Variants in IQCM observed in about 807,000 individuals in gnomAD.
The protein encoded by IQCM is IQ domain-containing protein M.
Under a neutral mutation model 57.6 loss-of-function variants are expected in IQCM, and 45 were observed. The ratio of observed to expected loss-of-function variants is 0.78; its 90% confidence interval spans 0.62 to 1.00. The LOEUF is 1.00. IQCM is among the 50% of genes least tolerant of loss of function. The pLI is 0.00. For missense variants in IQCM, 468 were observed against 511.6 expected (o/e 0.91, Z 0.82); for synonymous variants, 148 against 158.9 (o/e 0.93, Z 0.51).
At chr4:149,564,435 T>C (rs968144293) in intron 9 of IQCM, among the ~76,000 whole-genome samples, 2 of 152,198 alleles carry the variant, frequency 1.3e-5, no homozygotes, top group Admixed American at 6.5e-5. Flanking sequence ...TGGGTGACTG[T>C]GGTAGTTAAT....
intron 12 of IQCM, among the ~76,000 whole-genome samples, chr4:149,529,455 A>G (rs987568318): frequency 1.3e-5 from 2 of 152,006 alleles, no homozygotes; most frequent in Non-Finnish European, 2.9e-5. Context: ...TTGGCGACAT[A>G]TTTTTCTCAT....
chr4:149,703,122 T>C (rs1228979473), intron 5 of IQCM, among the ~76,000 whole-genome samples: 1 of 151,928 alleles, frequency 6.6e-6, no homozygotes, highest in Admixed American at 6.6e-5. Flanking sequence ...TGCAAAACTG[T>C]CTTCATTATA....
At chr4:149,514,005 C>T (rs1322320578) in intron 12 of IQCM, among the ~76,000 whole-genome samples, 2 of 151,888 alleles carry the variant, frequency 1.3e-5, no homozygotes, top group African/African-American at 4.8e-5. Flanking sequence ...ATTTCATTTT[C>T]TATGTTATGT....
At chr4:149,582,178 ATTAC>A (rs1204277375) in intron 9 of IQCM, among the ~76,000 whole-genome samples, 1 of 150,308 alleles carries the variant, frequency 6.7e-6, no homozygotes, top group Non-Finnish European at 1.5e-5. Flanking sequence ...TCCTGAAGAC[ATTAC>A]TTGAGTCCTT....
intron 8 of IQCM, among the ~76,000 whole-genome samples, chr4:149,616,625 CAAT>C (rs1298462462): frequency 6.6e-6 from 1 of 151,584 alleles, no homozygotes; most frequent in Admixed American, 6.6e-5. Flanking sequence ...AATTTATAAA[CAAT>C]AATTTTAAAT....
intron 8 of IQCM, among the ~76,000 whole-genome samples, chr4:149,615,934 T>G (rs1174270399): frequency 6.6e-6 from 1 of 152,100 alleles, no homozygotes; most frequent in Non-Finnish European, 1.5e-5. Flanking sequence ...TTCATATCCA[T>G]TAGGATGTGA....
At chr4:149,657,228 AT>A in intron 7 of IQCM, among the ~76,000 whole-genome samples, 1 of 151,884 alleles carries the variant, frequency 6.6e-6, no homozygotes, top group Non-Finnish European at 1.5e-5. Flanking sequence ...TGATATCGAT[AT>A]TTTTTTAAGA....
chr4:149,531,607 G>A (rs1746755335), intron 12 of IQCM, among the ~76,000 whole-genome samples: 1 of 152,092 alleles, frequency 6.6e-6, no homozygotes, highest in South Asian at 2.1e-4. Context: ...GGTGCTTATA[G>A]TCTAGTATGT....
At chr4:149,711,368 C>G (rs1315996236) in intron 5 of IQCM, among the ~76,000 whole-genome samples, 2 of 152,172 alleles carry the variant, frequency 1.3e-5, no homozygotes, top group African/African-American at 2.4e-5. Flanking sequence ...TTCAGAAAGA[C>G]TAAATTCAGA....
At chr4:149,673,608 C>G (rs1761500893) in intron 7 of IQCM, among the ~76,000 whole-genome samples, 1 of 152,070 alleles carries the variant, frequency 6.6e-6, no homozygotes, top group African/African-American at 2.4e-5. Flanking sequence ...TACAGGAGCA[C>G]CCAGATTCAT....
chr4:149,801,933 A>C (rs114532445), intron 2 of IQCM, among the ~76,000 whole-genome samples: 3,337 of 152,022 alleles, frequency 0.022, 65 homozygotes, highest in South Asian at 0.036. Context: ...GCTTGAGGGG[A>C]TGGATACCCC....
intron 7 of IQCM, among the ~76,000 whole-genome samples, chr4:149,644,536 C>T (rs907662145): frequency 3.2e-4 from 48 of 152,136 alleles, no homozygotes; most frequent in Non-Finnish European, 3.1e-4. Context: ...GTTATATACT[C>T]TTATCTTGAA....
chr4:149,571,574 C>T (rs1036347682), intron 9 of IQCM, among the ~76,000 whole-genome samples: 3 of 152,008 alleles, frequency 2.0e-5, no homozygotes, highest in Non-Finnish European at 2.9e-5. Flanking sequence ...TATTGTATAA[C>T]ATGGTGACTA....
intron 8 of IQCM, among the ~76,000 whole-genome samples, chr4:149,596,455 G>A (rs1024159829): frequency 6.6e-6 from 1 of 152,082 alleles, no homozygotes; most frequent in African/African-American, 2.4e-5. Context: ...TAGAGTCTAG[G>A]TTTTAATGAC....
intron 13 of IQCM, among the ~76,000 whole-genome samples, chr4:149,402,897 C>T (rs188953079): frequency 5.3e-5 from 8 of 151,904 alleles, no homozygotes; most frequent in African/African-American, 1.4e-4. Context: ...TTTTCAATGC[C>T]TAGTAAATGA....
chr4:149,393,368 G>A (rs1403560996), intron 13 of IQCM, among the ~76,000 whole-genome samples: 1 of 151,588 alleles, frequency 6.6e-6, no homozygotes, highest in Non-Finnish European at 1.5e-5. Context: ...TTAGCCAGAA[G>A]GTAGAGCAGA....
chr4:149,744,926 G>A (rs942540003), intron 2 of IQCM, among the ~76,000 whole-genome samples: 11 of 152,284 alleles, frequency 7.2e-5, no homozygotes, highest in African/African-American at 2.6e-4. Context: ...TGAGCTTTGT[G>A]AAATAAGTGA....
At chr4:149,397,763 T>G (rs1348504364) in intron 13 of IQCM, among the ~76,000 whole-genome samples, 1 of 151,964 alleles carries the variant, frequency 6.6e-6, no homozygotes, top group Non-Finnish European at 1.5e-5. Context: ...TATTAGGGGT[T>G]TTTTTTCTTT....
intron 2 of IQCM, chr4:149,790,314 C>G: frequency 4.5e-6 from 1 of 224,480 alleles, no homozygotes; most frequent in Non-Finnish European, 9.5e-6. Flanking sequence ...ATCATGTATT[C>G]TGCATTTGCG....
Sources: allele counts gnomAD v4.1 joint callset (sites outside exome capture counted in the v4.1 genomes callset), GRCh38; gene constraint gnomAD v4.1.1; transcripts MANE v1.5; gene names NCBI Gene and HGNC (gene_info 2026-07-23, HGNC 2026-07-21).